The following PSMB5 variants were observed in gnomAD, a reference collection of about 807,000 sequenced individuals.
The protein encoded by PSMB5 is proteasome 20S subunit beta 5.
PSMB5 carries 2 observed loss-of-function variants against 22.8 expected under a neutral mutation model. That is an observed-to-expected ratio of 0.09 (90% CI 0.04 to 0.28). The LOEUF is 0.28. Ranked by LOEUF, PSMB5 falls within the 10% of genes least tolerant of loss-of-function variation. The pLI is 1.00. For missense variants in PSMB5, 269 were observed against 343.8 expected, an observed-to-expected ratio of 0.78 and a Z score of 1.72; for synonymous variants, 133 against 135.3, an observed-to-expected ratio of 0.98 and a Z score of 0.12.
At chr14:23,028,111 C>T (rs531425820) in intron 2 of PSMB5, among the ~76,000 whole-genome samples, 6 of 152,046 alleles carry the variant, frequency 3.9e-5, no homozygotes, top group African/African-American at 1.5e-4. Context: ...CCACTGCACT[C>T]CAGCCTGGGC....
At chr14:23,031,072 G>A (rs1320571513) in intron 2 of PSMB5, among the ~76,000 whole-genome samples, 1 of 152,106 alleles carries the variant, frequency 6.6e-6, no homozygotes, top group Non-Finnish European at 1.5e-5. Context: ...GTTGCTCAAG[G>A]GCCAACTGTA....
intron 2 of PSMB5, among the ~76,000 whole-genome samples, chr14:23,029,046 C>A (rs772866694): frequency 6.6e-6 from 1 of 152,316 alleles, no homozygotes; most frequent in Middle Eastern, 3.4e-3. Flanking sequence ...AGTCATCTAA[C>A]AAAGATTTTT....
intron 2 of PSMB5, 90 bp from the exon 3 acceptor site, chr14:23,026,465 T>C (rs943324282): frequency 3.3e-6 from 5 of 1,510,744 alleles, no homozygotes; most frequent in Admixed American, 2.2e-5. Context: ...TTCTTTTTTT[T>C]TGAGATGGAG....
chr14:23,033,609 C>G lies in PSMB5; in HGVS notation c.264G>C (p.Gln88His), dbSNP rs1166762484. 6.2e-7 allele frequency: 1 copy of G among 1,613,806 alleles called. No individual in the cohort carries two copies. The highest frequency in any genetic ancestry group is 8.5e-7 in the Non-Finnish European group (1 of 1,179,826). The change falls in exon 2 of 3, where the codon CAG becomes CAC. Residue 88 changes from glutamine to histidine, a missense_variant. By Grantham distance (24) the Gln-to-His change is conservative (BLOSUM62 0). Around this residue, in one of 3 missense-constraint regions of PSMB5, gnomAD observed 75 missense variants for 143.2 expected, o/e 0.52. Coordinates refer to ENST00000361611, the MANE Select transcript of PSMB5 (RefSeq NM_002797.5). ...TGATCTCTATCACCTTCTTCACCGT[C>G]TGGGAGGCAATGTAAGCACCCGCTG... ...RATAGAYIAS[Q>H]TVKKVIEINP...
chr14:23,035,181 G>A, upstream of PSMB5: 1 of 372,386 alleles, frequency 2.7e-6, no homozygotes. Flanking sequence ...GGAAGTGACT[G>A]AAAACGTCCA....
chr14:23,034,816 C>G lies in PSMB5; in HGVS notation c.66G>C (p.Gly22=). 1.2e-6 allele frequency: 2 copies of G among 1,614,226 alleles called. No individual in the cohort carries two copies. The highest frequency in any genetic ancestry group is 1.7e-6 in the Non-Finnish European group (2 of 1,180,048). The part of the protein sequence containing the change: ...PVNQRGFFGL[G]GRADLLDLGP... ...CTAGATCCAGCAGATCTGCACGACCCCCAAGTCCGAAAAACCCGCGCTGGT... is the reference window on the plus strand; with the variant it reads ...CTAGATCCAGCAGATCTGCACGACCGCCAAGTCCGAAAAACCCGCGCTGGT... The change falls in exon 1 of 3, where the codon GGG becomes GGC. Residue 22 remains glycine (G), a synonymous_variant. Coordinates refer to ENST00000361611, the MANE Select transcript of PSMB5 (RefSeq NM_002797.5).
rs566183670 is a variant in PSMB5, at chr14:23,034,816, C to T, written c.66G>A (p.Gly22=). 34 of 1,614,226 alleles carry T rather than the reference C, an allele frequency of 2.1e-5. No individual in the cohort carries two copies. In the South Asian group the frequency reaches 3.7e-4, roughly 18 times the overall value. ...PVNQRGFFGL[G]GRADLLDLGP... ...CTAGATCCAGCAGATCTGCACGACC[C>T]CCAAGTCCGAAAAACCCGCGCTGGT... Residue 22 remains glycine (G), a synonymous_variant, in exon 1 of 3, where the codon GGG becomes GGA. Transcript: ENST00000361611.
At chr14:23,029,656 T>C (rs2046939254) in intron 2 of PSMB5, among the ~76,000 whole-genome samples, 1 of 152,234 alleles carries the variant, frequency 6.6e-6, no homozygotes, top group African/African-American at 2.4e-5. Flanking sequence ...AAGTGATTGA[T>C]TCTCCTGCCT....
In PSMB5 at chr14:23,026,099, G is replaced by C. The variant is rs771877767; in HGVS notation, c.782C>G (p.Ser261Cys). Residue 261 changes from serine (S) to cysteine (C), a missense_variant, in exon 3 of 3, where the codon TCT (serine) becomes TGT (cysteine). Physicochemically the swap from Ser to Cys is moderately radical, Grantham distance 112. Around this residue, in one of 3 missense-constraint regions of PSMB5, gnomAD observed 113 missense variants for 130.2 expected, o/e 0.87. Coordinates refer to ENST00000361611, the MANE Select transcript of PSMB5 (RefSeq NM_002797.5). ...TGCATCCACCCTCTTTCAGGGGGTA[G>C]AGCCACTATACTTCTCATGTAGATC... ...VADLHEKYSG[S>C]TP 69 of 1,613,986 alleles carry C rather than the reference G, an allele frequency of 4.3e-5. No individual in the cohort carries two copies. In the South Asian group the frequency reaches 7.1e-4, roughly 17 times the overall value.
intron 2 of PSMB5, among the ~76,000 whole-genome samples, chr14:23,029,883 G>A (rs1208339722): frequency 2.0e-5 from 3 of 151,562 alleles, no homozygotes; most frequent in East Asian, 3.9e-4. Context: ...CTGGGTTCAC[G>A]CCATTCTCCT....
At chr14:23,026,669 T>C (rs2046916299) in intron 2 of PSMB5, among the ~76,000 whole-genome samples, 1 of 151,394 alleles carries the variant, frequency 6.6e-6, no homozygotes, top group South Asian at 2.1e-4. Flanking sequence ...AGGCTGGTCT[T>C]GAACTCCTGA....
At chr14:23,034,541 G>T in intron 1 of PSMB5, 143 bp downstream of exon 1, 1 of 976,502 alleles carries the variant, frequency 1.0e-6, no homozygotes. Context: ...CAATGAGACA[G>T]CAAAACTGCT....
At chr14:23,029,168 T>G (rs1402245501) in intron 2 of PSMB5, among the ~76,000 whole-genome samples, 1 of 152,182 alleles carries the variant, frequency 6.6e-6, no homozygotes, top group Non-Finnish European at 1.5e-5. Flanking sequence ...GCAAGCCAGC[T>G]TGAGCACCTC....
intron 2 of PSMB5, among the ~76,000 whole-genome samples, chr14:23,026,942 C>T (rs1259195116): frequency 4.6e-5 from 7 of 151,108 alleles, no homozygotes; most frequent in South Asian, 2.1e-4. Flanking sequence ...ATTTGCCAGG[C>T]GTGGTGGCAC....
chr14:23,035,033 A>G (rs1227889900), upstream of PSMB5: 1 of 1,404,282 alleles, frequency 7.1e-7, no homozygotes, highest in Non-Finnish European at 9.3e-7. Flanking sequence ...AAGAAGAGCC[A>G]GATGCGAAAG....
chr14:23,034,412 C>T, intron 1 of PSMB5: 1 of 417,428 alleles, frequency 2.4e-6, no homozygotes, highest in South Asian at 3.2e-5. Context: ...AGATCCTGAA[C>T]AGCAGCAACC....
intron 1 of PSMB5, 190 bp downstream of exon 1, chr14:23,034,494 C>A (rs1044956686): frequency 1.9e-5 from 13 of 675,436 alleles, no homozygotes; most frequent in Non-Finnish European, 2.9e-5. Flanking sequence ...CCACCGCCAC[C>A]CTTTCCAACC....
chr14:23,032,887 A>G (rs1420069529), intron 2 of PSMB5, among the ~76,000 whole-genome samples: 1 of 146,764 alleles, frequency 6.8e-6, no homozygotes, highest in East Asian at 2.1e-4. Flanking sequence ...GTGAGCCACC[A>G]CGCCCGGCCT....
At chr14:23,035,198 G>A (rs541970415), upstream of PSMB5, 6 of 323,676 alleles carry the variant, frequency 1.9e-5, no homozygotes, top group South Asian at 3.4e-5. Context: ...TCCATGTTGC[G>A]TAAGGGAAGT....
Sources: gnomAD v4.1 joint callset for allele counts (sites outside exome capture counted in the v4.1 genomes callset) on GRCh38, gnomAD v4.1.1 for gene constraint, gnomAD v4.1.1 regional missense constraint, MANE v1.5 for transcripts, NCBI Gene and HGNC (gene_info 2026-07-23, HGNC 2026-07-21) for gene names.